The following DYSF variants were observed in gnomAD, a reference collection of about 807,000 sequenced individuals.
The protein encoded by DYSF is dysferlin, also known as dystrophy-associated fer-1-like 1.
DYSF carries 212 observed loss-of-function variants against 274.9 expected under a neutral mutation model. The ratio of observed to expected loss-of-function variants is 0.77; its 90% CI spans 0.69 to 0.86. The LOEUF (loss-of-function observed/expected upper bound fraction) is 0.86. Ranked by LOEUF, DYSF falls within the 40% of genes least tolerant of loss-of-function variation. DYSF has a pLI of 0.00. For missense variants in DYSF, 2,666 were observed against 2,783.2 expected (o/e 0.96, Z 0.95); for synonymous variants, 1,091 against 1,078.7 (o/e 1.01, Z -0.22).
chr2:71,652,242 G>A (rs139386705), intron 42 of DYSF, among the ~76,000 whole-genome samples: 6 of 152,286 alleles, frequency 3.9e-5, no homozygotes, highest in South Asian at 4.1e-4. Flanking sequence ...CTGTGATCAC[G>A]TTCATGTTAT....
At position 71,481,908 on chromosome 2, in the gene DYSF, C is replaced by T. The variant is rs2082943716; in HGVS notation, c.177C>T (p.Pro59=). ...TTGAATGGGACCTCAAGGGCATCCC[C>T]CTGGACCAGGGCTCTGAGCTTCATG... ...EGFEWDLKGI[P]LDQGSELHVV... The change falls in exon 3 of 56, where the codon CCC becomes CCT. Residue 59 remains proline, a synonymous_variant. Transcript: ENST00000410020. The T allele has an allele frequency of 9.3e-6, 15 of 1,614,180 alleles. No homozygotes were observed. The highest frequency in any genetic ancestry group is 1.1e-5 in the Non-Finnish European group (13 of 1,180,046).
chr2:71,520,274 T>A, intron 11 of DYSF, 66 bp downstream of exon 11: 2 of 1,531,902 alleles, frequency 1.3e-6, no homozygotes, highest in Non-Finnish European at 1.8e-6. Flanking sequence ...GGGACACTCA[T>A]TTGGGGTCCT....
At chr2:71,569,700 T>A in intron 26 of DYSF, 120 bp from the exon 27 acceptor site, 16 of 798,794 alleles carry the variant, frequency 2.0e-5, no homozygotes, top group East Asian at 2.7e-5. Context: ...CCACCCCCCA[T>A]GTCTCTCATT....
Position 71,577,902 on chromosome 2 carries a change from G to A in DYSF, c.3402+3531G>A, listed in dbSNP as rs139873415. ...GTCCTGAGAGCTGGTCTTTGCCCACGGGTCCCTGATGCCTGGTGATTCATT... is the reference window on the plus strand; with the variant it reads ...GTCCTGAGAGCTGGTCTTTGCCCACAGGTCCCTGATGCCTGGTGATTCATT... On this transcript the variant is annotated intron_variant, in intron 30 of 55. Transcript: ENST00000410020. Among the ~76,000 whole-genome samples the A allele has an allele frequency of 1.6e-3, 243 of 152,248 alleles. 3 individuals are homozygous for A. In the East Asian group the frequency reaches 0.027, roughly 17 times the overall value.
chr2:71,633,104 G>C (rs1056980768), intron 41 of DYSF, among the ~76,000 whole-genome samples: 2 of 152,248 alleles, frequency 1.3e-5, no homozygotes, highest in African/African-American at 2.4e-5. Flanking sequence ...TGAAAGCCCA[G>C]TGTTCCACTT....
intron 41 of DYSF, among the ~76,000 whole-genome samples, chr2:71,632,050 C>T (rs970440947): frequency 6.6e-6 from 1 of 152,134 alleles, no homozygotes; most frequent in African/African-American, 2.4e-5. Context: ...AGAAAAAACA[C>T]TCATCTCTTC....
chr2:71,667,577 C>T (rs913852331), intron 48 of DYSF, 62 bp downstream of exon 48: 3 of 1,606,046 alleles, frequency 1.9e-6, no homozygotes, highest in Non-Finnish European at 1.7e-6. Context: ...ACCCCAGGGA[C>T]AACATGGATA....
At chr2:71,495,622 C>T (rs2084302572) in intron 3 of DYSF, among the ~76,000 whole-genome samples, 2 of 152,138 alleles carry the variant, frequency 1.3e-5, no homozygotes, top group South Asian at 4.1e-4. Context: ...AGCTTGTCTC[C>T]TGTCCACTTC....
intron 22 of DYSF, among the ~76,000 whole-genome samples, chr2:71,557,265 T>C (rs2091406639): frequency 6.6e-6 from 1 of 152,142 alleles, no homozygotes; most frequent in Non-Finnish European, 1.5e-5. Context: ...TTCCCACAAA[T>C]TGAATTCAGG....
chr2:71,619,578 T>A (rs1329441973), intron 40 of DYSF, among the ~76,000 whole-genome samples: 1 of 152,194 alleles, frequency 6.6e-6, no homozygotes, highest in Non-Finnish European at 1.5e-5. Flanking sequence ...CAGAGCCCCC[T>A]GCTCAAGGCT....
intron 3 of DYSF, 80 bp downstream of exon 3, chr2:71,482,050 G>A: frequency 8.6e-7 from 1 of 1,158,532 alleles, no homozygotes; most frequent in Non-Finnish European, 1.3e-6. Context: ...AGAATCCCAG[G>A]CCCCAGGGAG....
intron 32 of DYSF, among the ~76,000 whole-genome samples, chr2:71,595,441 C>T (rs868576944): frequency 6.6e-6 from 1 of 152,156 alleles, no homozygotes; most frequent in Non-Finnish European, 1.5e-5. Context: ...GGGGAAAGCT[C>T]CCTTTTAGGA....
intron 30 of DYSF, 80 bp from the exon 31 acceptor site, chr2:71,589,513 G>T: frequency 1.8e-6 from 2 of 1,116,374 alleles, no homozygotes; most frequent in Non-Finnish European, 1.4e-6. Flanking sequence ...TGGCCCTGGG[G>T]ATCTAACTCT....
chr2:71,575,900 C>T (rs1166184819), intron 30 of DYSF, among the ~76,000 whole-genome samples: 1 of 152,230 alleles, frequency 6.6e-6, no homozygotes, highest in Non-Finnish European at 1.5e-5. Flanking sequence ...CCTTGTCTCA[C>T]ACGGGCTCTC....
intron 36 of DYSF, among the ~76,000 whole-genome samples, chr2:71,610,492 C>T (rs1301975851): frequency 6.6e-6 from 1 of 152,160 alleles, no homozygotes; most frequent in Non-Finnish European, 1.5e-5. Flanking sequence ...CTCCCTTGCC[C>T]CACCTTGCTT....
At chr2:71,528,120 GAGTT>G (rs1464115379) in intron 13 of DYSF, among the ~76,000 whole-genome samples, 174 bp from the exon 14 acceptor site, 1 of 152,212 alleles carries the variant, frequency 6.6e-6, no homozygotes. Context: ...GAGCTCTCAG[GAGTT>G]GCTGCTCTGA....
At chr2:71,607,599 G>A (rs887214894) in intron 36 of DYSF, among the ~76,000 whole-genome samples, 1 of 152,192 alleles carries the variant, frequency 6.6e-6, no homozygotes, top group Admixed American at 6.5e-5. Flanking sequence ...GGGGATGCTG[G>A]TGAATCCAGG....
chr2:71,566,724 G>T (rs1366426626), intron 24 of DYSF, among the ~76,000 whole-genome samples: 1 of 152,218 alleles, frequency 6.6e-6, no homozygotes, highest in Non-Finnish European at 1.5e-5. Context: ...ACCACCCGGG[G>T]GAGAGGACAG....
intron 41 of DYSF, 68 bp from the exon 42 acceptor site, chr2:71,643,897 C>G: frequency 4.6e-6 from 6 of 1,315,706 alleles, no homozygotes; most frequent in Non-Finnish European, 6.5e-6. Flanking sequence ...GGGAGGGTTT[C>G]CAACTCTGAA....
Sources: gnomAD v4.1 joint callset for allele counts (sites outside exome capture counted in the v4.1 genomes callset) on GRCh38, gnomAD v4.1.1 for gene constraint, MANE v1.5 for transcripts, NCBI Gene and HGNC (gene_info 2026-07-23, HGNC 2026-07-21) for gene names.